The following RPH3A variants were observed in gnomAD, a reference collection of about 807,000 sequenced individuals.
RPH3A encodes rabphilin-3A.
RPH3A carries 48 observed loss-of-function variants against 102.2 expected under a neutral mutation model. The ratio of observed to expected loss-of-function variants is 0.47; its 90% CI spans 0.37 to 0.60. RPH3A has a LOEUF of 0.60. Among genes scored for constraint, RPH3A ranks in the 20% least tolerant of loss-of-function variants. RPH3A has a pLI of 0.00. For missense variants in RPH3A, 781 were observed against 910.1 expected (o/e 0.86, Z 1.83); for synonymous variants, 310 against 324.3 (o/e 0.96, Z 0.47).
At chr12:112,889,620 A>G (rs1267969764) in intron 17 of RPH3A, among the ~76,000 whole-genome samples, 1 of 152,200 alleles carries the variant, frequency 6.6e-6, no homozygotes, top group Admixed American at 6.5e-5. Context: ...CCCAGGGGCC[A>G]TGAAGGCAAA....
At chr12:112,680,733 A>T (rs1592940733) in intron 1 of RPH3A, among the ~76,000 whole-genome samples, 1 of 152,178 alleles carries the variant, frequency 6.6e-6, no homozygotes, top group South Asian at 2.1e-4. Context: ...GACTCAGGAC[A>T]TGCATAGCCC....
chr12:112,887,776 AC>A lies in RPH3A; in HGVS notation c.1437-16del. ...AATATTTGTTCCTGTTTCTCTCTCTACCCCCTTGTGTTGGTGGCAGGATCTC... is the reference window on the plus strand; with the variant it reads ...AATATTTGTTCCTGTTTCTCTCTCTACCCCTTGTGTTGGTGGCAGGATCTC... On this transcript the variant is annotated intron_variant, in intron 16 of 21. Coordinates refer to ENST00000389385, the MANE Select transcript of RPH3A (RefSeq NM_001143854.2). 6.2e-7 allele frequency: 1 copy of A among 1,611,424 alleles called. No homozygotes were observed. Among genetic ancestry groups the A allele is most frequent in the African/African-American group, 1.3e-5 (1 of 74,860 alleles).
intron 1 of RPH3A, among the ~76,000 whole-genome samples, chr12:112,662,285 CAA>C (rs1408778762): frequency 2.0e-5 from 3 of 152,156 alleles, no homozygotes; most frequent in African/African-American, 7.2e-5. Flanking sequence ...ATCACTTCTC[CAA>C]TTAAGTCTAA....
chr12:112,756,104 T>A (rs539979236), intron 1 of RPH3A, among the ~76,000 whole-genome samples: 6 of 152,300 alleles, frequency 3.9e-5, no homozygotes, highest in Admixed American at 6.5e-5. Flanking sequence ...GGATTTTGAA[T>A]GTTCCCAACA....
chr12:112,652,525 G>A (rs1477775654), intron 1 of RPH3A, among the ~76,000 whole-genome samples: 1 of 152,126 alleles, frequency 6.6e-6, no homozygotes, highest in Non-Finnish European at 1.5e-5. Context: ...TAATAACCAT[G>A]GGGCCAGTGT....
intron 1 of RPH3A, among the ~76,000 whole-genome samples, chr12:112,617,326 G>C (rs142007378): frequency 3.3e-5 from 5 of 152,194 alleles, no homozygotes; most frequent in South Asian, 2.1e-4. Context: ...TTAATCCCAG[G>C]CTCCTTGGGG....
chr12:112,875,004 A>G, intron 10 of RPH3A, 80 bp from the exon 11 acceptor site: 1 of 1,233,334 alleles, frequency 8.1e-7, no homozygotes, highest in Non-Finnish European at 1.1e-6. Context: ...ACCCCACACC[A>G]GCTGAGTGGT....
chr12:112,684,087 G>A (rs568183296), intron 1 of RPH3A, among the ~76,000 whole-genome samples: 1 of 152,138 alleles, frequency 6.6e-6, no homozygotes, highest in Non-Finnish European at 1.5e-5. Context: ...ATATCGATAT[G>A]ATCATAGTTG....
At chr12:112,618,090 C>G (rs1040650942) in intron 1 of RPH3A, among the ~76,000 whole-genome samples, 11 of 152,126 alleles carry the variant, frequency 7.2e-5, no homozygotes, top group African/African-American at 2.4e-4. Context: ...CCTATGCCAA[C>G]CCCCCATGAG....
At position 112,671,227 on chromosome 12, in the gene RPH3A, A is replaced by C. The variant is rs557715278; in HGVS notation, c.-140+95908A>C. Among the ~76,000 whole-genome samples, 61 of 152,354 alleles carry C rather than the reference A, an allele frequency of 4.0e-4. No individual in the cohort carries two copies. In the South Asian group the frequency reaches 0.012, roughly 29 times the overall value. Reference sequence around the variant, plus strand: ...AGATACAGATTTGGCTGTTATCAGGAGACCCAAAATGAGATAAAAGATTAT... The same window carrying C: ...AGATACAGATTTGGCTGTTATCAGGCGACCCAAAATGAGATAAAAGATTAT... On this transcript the variant is annotated intron_variant, in intron 1 of 21. Transcript: ENST00000543106.
intron 1 of RPH3A, among the ~76,000 whole-genome samples, chr12:112,739,040 G>A (rs905611372): frequency 3.3e-5 from 5 of 152,192 alleles, no homozygotes; most frequent in African/African-American, 1.2e-4. Context: ...CCAGGGAGCA[G>A]CTTGTAACTG....
chr12:112,789,887 CAAAAAAAA>C (rs144494791), upstream of RPH3A, among the ~76,000 whole-genome samples: 1 of 70,790 alleles, frequency 1.4e-5, no homozygotes, highest in Admixed American at 1.5e-4. Flanking sequence ...CCCATCTCTG[CAAAAAAAA>C]AAAAAAAAAA....
intron 1 of RPH3A, among the ~76,000 whole-genome samples, chr12:112,703,540 T>C (rs529959886): frequency 6.6e-6 from 1 of 152,230 alleles, no homozygotes; most frequent in Non-Finnish European, 1.5e-5. Context: ...GGCTGCACTT[T>C]GACCCACTTC....
intron 18 of RPH3A, 34 bp downstream of exon 18, chr12:112,890,114 G>A: frequency 1.3e-6 from 2 of 1,595,162 alleles, no homozygotes; most frequent in Non-Finnish European, 1.7e-6. Context: ...GCCACAGTCA[G>A]GGTCTGTACT....
At chr12:112,722,978 A>C (rs1428026517) in intron 1 of RPH3A, among the ~76,000 whole-genome samples, 2 of 152,356 alleles carry the variant, frequency 1.3e-5, no homozygotes, top group South Asian at 4.1e-4. Context: ...TCAAGGAGAC[A>C]CACTTATTAG....
intron 1 of RPH3A, among the ~76,000 whole-genome samples, chr12:112,645,687 G>A (rs2039924110): frequency 6.6e-6 from 1 of 152,108 alleles, no homozygotes; most frequent in Admixed American, 6.6e-5. Flanking sequence ...ATCTGCTTTG[G>A]ATTTCATAGG....
chr12:112,586,642 G>T (rs1355343941), intron 1 of RPH3A, among the ~76,000 whole-genome samples: 3 of 152,174 alleles, frequency 2.0e-5, no homozygotes, highest in African/African-American at 7.2e-5. Context: ...ACTTTGCACA[G>T]GCCCTGTGCA....
chr12:112,837,056 A>G (rs1430528608), intron 4 of RPH3A, among the ~76,000 whole-genome samples: 1 of 152,216 alleles, frequency 6.6e-6, no homozygotes, highest in African/African-American at 2.4e-5. Flanking sequence ...TATGCATGAC[A>G]GATTGGATGA....
At chr12:112,760,968 G>A (rs1037876213) in intron 1 of RPH3A, among the ~76,000 whole-genome samples, 14 of 152,088 alleles carry the variant, frequency 9.2e-5, no homozygotes, top group Admixed American at 4.6e-4. Flanking sequence ...GATGAACACT[G>A]TTTGCCATCC....
Sources: allele counts gnomAD v4.1 joint callset (sites outside exome capture counted in the v4.1 genomes callset), GRCh38; gene constraint gnomAD v4.1.1; transcripts MANE v1.5; gene names NCBI Gene and HGNC (gene_info 2026-07-23, HGNC 2026-07-21).